Variants in RYR3 observed in about 807,000 individuals in gnomAD.
RYR3 encodes brain ryanodine receptor-calcium release channel.
Under a neutral mutation model 584.3 loss-of-function variants are expected in RYR3, and 207 were observed. The observed-to-expected ratio is 0.35, with a 90% confidence interval of 0.32 to 0.40. The LOEUF is 0.40. Ranked by LOEUF, RYR3 falls within the 10% of genes least tolerant of loss-of-function variation. RYR3 has a pLI of 1.00. For synonymous variants in RYR3, 2,416 were observed against 2,248.5 expected (o/e 1.07, Z -2.11); for missense variants, 5,616 against 6,089.2 (o/e 0.92, Z 2.59).
At position 33,540,893 on chromosome 15, in the gene RYR3, G is replaced by A. The variant is rs769282104; in HGVS notation, c.646+3G>A. ...CTCAGGAAGTAGCATCGAAGAAGGTGTGCTTCTTTAAATGCATTTAGCCCT... is the reference window on the plus strand; with the variant it reads ...CTCAGGAAGTAGCATCGAAGAAGGTATGCTTCTTTAAATGCATTTAGCCCT... On this transcript the variant is annotated splice_donor_region_variant and intron_variant, in intron 7 of 103. Transcript: ENST00000634891. 10 of 1,596,118 alleles carry A rather than the reference G, an allele frequency of 6.3e-6. No individual in the cohort carries two copies. Among genetic ancestry groups the A allele is most frequent in the Admixed American group, 3.3e-5 (2 of 59,920 alleles).
intron 6 of RYR3, among the ~76,000 whole-genome samples, chr15:33,539,899 C>A (rs964397492): frequency 4.6e-5 from 7 of 152,050 alleles, no homozygotes; most frequent in African/African-American, 1.7e-4. Context: ...TCACGTTGAA[C>A]AGGAGGAAGA....
chr15:33,441,240 TG>T (rs1181011101), intron 1 of RYR3, among the ~76,000 whole-genome samples: 3 of 152,330 alleles, frequency 2.0e-5, no homozygotes, highest in African/African-American at 7.2e-5. Context: ...GCCTCATCCT[TG>T]GTTGCCAAAT....
intron 12 of RYR3, among the ~76,000 whole-genome samples, chr15:33,575,242 C>G (rs899377862): frequency 1.3e-5 from 2 of 152,136 alleles, no homozygotes; most frequent in Non-Finnish European, 2.9e-5. Flanking sequence ...CAAAGATATT[C>G]AGGACCTCAG....
intron 70 of RYR3, 43 bp downstream of exon 70, chr15:33,807,612 A>G: frequency 6.5e-7 from 1 of 1,545,360 alleles, no homozygotes; most frequent in East Asian, 2.4e-5. Context: ...TCCTAGTATT[A>G]GAGGTGCCGG....
At position 33,380,038 on chromosome 15, in the gene RYR3, C is replaced by A. The variant is rs1356887546; in HGVS notation, c.51+68942C>A. On this transcript the variant is annotated intron_variant, in intron 1 of 103. Transcript: ENST00000634891. ...GGTTATCCTACCTGCTTTGTTCTAG[C>A]CGCACTGGCAGCCGACTGGGTGATG... Among the ~76,000 whole-genome samples the A allele has an allele frequency of 2.0e-5, 3 of 152,152 alleles. No homozygotes were observed. The South Asian group carries it at 6.2e-4, about 32-fold the overall frequency.
At chr15:33,813,786 C>T (rs1220153736) in intron 74 of RYR3, 4 of 477,918 alleles carry the variant, frequency 8.4e-6, no homozygotes, top group Non-Finnish European at 1.5e-5. Context: ...TTCTCTAGAG[C>T]CCATTCCTGT....
intron 1 of RYR3, among the ~76,000 whole-genome samples, chr15:33,383,181 C>A (rs1179309238): frequency 6.6e-6 from 1 of 150,856 alleles, no homozygotes; most frequent in Non-Finnish European, 1.5e-5. Flanking sequence ...AGATCAAGAC[C>A]AAGAGAGGAT....
At chr15:33,443,069 G>A (rs2046357056) in intron 1 of RYR3, among the ~76,000 whole-genome samples, 1 of 152,134 alleles carries the variant, frequency 6.6e-6, no homozygotes, top group Admixed American at 6.5e-5. Context: ...GACCAGCCTG[G>A]CCAGCATGGT....
chr15:33,804,770 T>C (rs1425313389), intron 69 of RYR3, among the ~76,000 whole-genome samples: 1 of 152,228 alleles, frequency 6.6e-6, no homozygotes, highest in Non-Finnish European at 1.5e-5. Flanking sequence ...ATGTTCTCTC[T>C]ACTACCTGAT....
intron 38 of RYR3, among the ~76,000 whole-genome samples, chr15:33,691,338 A>T (rs544026012): frequency 1.3e-5 from 2 of 152,318 alleles, no homozygotes; most frequent in African/African-American, 4.8e-5. Context: ...AAAATAGTTT[A>T]AAAATCACAT....
chr15:33,422,790 C>T (rs1224125529), intron 1 of RYR3, among the ~76,000 whole-genome samples: 1 of 152,048 alleles, frequency 6.6e-6, no homozygotes, highest in African/African-American at 2.4e-5. Flanking sequence ...CCTTGTATCC[C>T]CTGTAAAACA....
intron 2 of RYR3, among the ~76,000 whole-genome samples, chr15:33,482,590 T>C (rs908421962): frequency 6.6e-6 from 1 of 152,130 alleles, no homozygotes; most frequent in Non-Finnish European, 1.5e-5. Flanking sequence ...TGGCTAATTT[T>C]TGTATTTTTG....
chr15:33,794,322 T>TAACATA (rs1344558337), intron 67 of RYR3, among the ~76,000 whole-genome samples: 2 of 63,532 alleles, frequency 3.1e-5, no homozygotes, highest in Admixed American at 1.5e-4. Context: ...TATATATATA[T>TAACATA]TTTTATATAT....
At chr15:33,604,181 C>T (rs557612488) in intron 18 of RYR3, among the ~76,000 whole-genome samples, 1 of 152,340 alleles carries the variant, frequency 6.6e-6, no homozygotes. Context: ...AGCATTGTGC[C>T]GTGTGCCCGT....
intron 46 of RYR3, among the ~76,000 whole-genome samples, chr15:33,726,736 C>T (rs2068492315): frequency 1.3e-5 from 2 of 152,238 alleles, no homozygotes; most frequent in South Asian, 2.1e-4. Context: ...CTCCTGATTC[C>T]TAGCATTTGC....
At chr15:33,447,256 T>A (rs1335657244) in intron 1 of RYR3, among the ~76,000 whole-genome samples, 1 of 152,196 alleles carries the variant, frequency 6.6e-6, no homozygotes, top group Non-Finnish European at 1.5e-5. Flanking sequence ...TAAATTCCTG[T>A]ACTCTAATTA....
At chr15:33,660,118 G>A in intron 33 of RYR3, 79 bp from the exon 34 acceptor site, 2 of 924,540 alleles carry the variant, frequency 2.2e-6, no homozygotes, top group East Asian at 2.6e-5. Context: ...ATTTATACTG[G>A]CCATATCGGT....
intron 103 of RYR3, 31 bp from the exon 104 acceptor site, chr15:33,865,100 A>T: frequency 6.4e-7 from 1 of 1,558,140 alleles, no homozygotes; most frequent in East Asian, 2.2e-5. Context: ...TGTGGTTTAA[A>T]AATAAGCACC....
intron 32 of RYR3, among the ~76,000 whole-genome samples, chr15:33,655,393 T>C (rs1056493950): frequency 6.6e-6 from 1 of 152,208 alleles, no homozygotes; most frequent in African/African-American, 2.4e-5. Flanking sequence ...CTCATAACTT[T>C]TAAGACTAGC....
Sources: allele counts gnomAD v4.1 joint callset (sites outside exome capture counted in the v4.1 genomes callset), GRCh38; gene constraint gnomAD v4.1.1; transcripts MANE v1.5; gene names NCBI Gene and HGNC (gene_info 2026-07-23, HGNC 2026-07-21).